CCDC18: variants seen among roughly 807,000 people sequenced by gnomAD.
CCDC18 encodes the protein coiled-coil domain-containing protein 18.
CCDC18 carries 157 observed loss-of-function variants against 196.0 expected under a neutral mutation model. The ratio of observed to expected loss-of-function variants is 0.80; its 90% CI spans 0.70 to 0.91. CCDC18 has a LOEUF of 0.91. Among genes scored for constraint, CCDC18 ranks in the 40% least tolerant of loss-of-function variants. The pLI, the probability that CCDC18 is intolerant of heterozygous loss-of-function variation, is 0.00. For missense variants in CCDC18, 1,465 were observed against 1,611.6 expected (o/e 0.91, Z 1.56); for synonymous variants, 482 against 529.2 (o/e 0.91, Z 1.22).
chr1:93,226,574 C>T, intron 17 of CCDC18, 125 bp downstream of exon 17: 2 of 315,766 alleles, frequency 6.3e-6, no homozygotes, highest in Admixed American at 5.0e-5. Flanking sequence ...CCCCATGTTG[C>T]CCAGGCTGGA....
chr1:93,202,589 A>G lies in CCDC18; in HGVS notation c.795+601A>G, dbSNP rs745963948. On this transcript the variant is annotated intron_variant, in intron 7 of 28. Transcript: ENST00000690025. ...TAATATGGGAGACTTCCATCTTGAG[A>G]TAGCAATGAAAGCAGAGGAAGTTTA... Among the ~76,000 whole-genome samples, 2 of 152,360 alleles carry G rather than the reference A, an allele frequency of 1.3e-5. 1 individual carries two copies. Among genetic ancestry groups the G allele is most frequent in the Non-Finnish European group, 2.9e-5 (2 of 68,034 alleles).
chr1:93,226,731 A>G (rs2102344435), intron 17 of CCDC18, among the ~76,000 whole-genome samples: 1 of 152,026 alleles, frequency 6.6e-6, no homozygotes, highest in Admixed American at 6.6e-5. Context: ...ATGGGATTTC[A>G]CCATGTTGGC....
chr1:93,227,971 A>AAAATATAT (rs57726461), intron 17 of CCDC18, among the ~76,000 whole-genome samples: 32 of 125,322 alleles, frequency 2.6e-4, no homozygotes, highest in African/African-American at 3.0e-4. Context: ...AAAAAAAAAA[A>AAAATATAT]ATATATATAT....
At chr1:93,233,136 T>G (rs2100727216) in intron 18 of CCDC18, among the ~76,000 whole-genome samples, 1 of 152,358 alleles carries the variant, frequency 6.6e-6, no homozygotes, top group Admixed American at 6.5e-5. Flanking sequence ...GTTTCTTTAT[T>G]CAATCTCTCT....
intron 27 of CCDC18, among the ~76,000 whole-genome samples, chr1:93,267,370 GA>G (rs2101439609): frequency 6.6e-6 from 1 of 152,242 alleles, no homozygotes; most frequent in East Asian, 1.9e-4. Context: ...CATTCCCTTT[GA>G]AAACTGGCAC....
At chr1:93,235,242 A>T (rs545839219) in intron 18 of CCDC18, among the ~76,000 whole-genome samples, 6 of 152,182 alleles carry the variant, frequency 3.9e-5, no homozygotes, top group Non-Finnish European at 8.8e-5. Context: ...ATAAATATTC[A>T]TGAAGACATG....
At chr1:93,224,903 T>G (rs1316401084) in intron 16 of CCDC18, among the ~76,000 whole-genome samples, 1 of 152,230 alleles carries the variant, frequency 6.6e-6, no homozygotes, top group Non-Finnish European at 1.5e-5. Flanking sequence ...AAAAGAAAAT[T>G]TCTAAGTATT....
chr1:93,180,066 C>T, upstream of CCDC18: 5 of 1,613,086 alleles, frequency 3.1e-6, no homozygotes, highest in Non-Finnish European at 3.4e-6. Flanking sequence ...GGTACTCGAT[C>T]TCCAGCGAGG....
At chr1:93,224,767 A>C (rs1658022524) in intron 16 of CCDC18, among the ~76,000 whole-genome samples, 1 of 152,238 alleles carries the variant, frequency 6.6e-6, no homozygotes, top group African/African-American at 2.4e-5. Context: ...CTAATGATGA[A>C]TCTTGCCCAA....
chr1:93,205,375 A>C, intron 7 of CCDC18, 135 bp from the exon 8 acceptor site: 1 of 682,972 alleles, frequency 1.5e-6, no homozygotes, highest in Non-Finnish European at 2.3e-6. Context: ...TTTTCACTAC[A>C]AGGCTGGGGA....
chr1:93,184,890 T>G (rs745350621), intron 3 of CCDC18, among the ~76,000 whole-genome samples: 3 of 151,984 alleles, frequency 2.0e-5, no homozygotes, highest in Admixed American at 6.5e-5. Flanking sequence ...CATGTTTACA[T>G]GGTATGTAAT....
chr1:93,261,459 T>G (rs892906826), intron 26 of CCDC18, among the ~76,000 whole-genome samples: 2 of 152,208 alleles, frequency 1.3e-5, no homozygotes, highest in Non-Finnish European at 2.9e-5. Flanking sequence ...AAAGGAATGC[T>G]ATAGTAATTA....
intron 5 of CCDC18, among the ~76,000 whole-genome samples, chr1:93,193,217 A>G (rs1159302123): frequency 6.6e-6 from 1 of 152,116 alleles, no homozygotes; most frequent in Non-Finnish European, 1.5e-5. Flanking sequence ...AAGAAAAAAA[A>G]TTTTGTCTTT....
intron 17 of CCDC18, among the ~76,000 whole-genome samples, 169 bp downstream of exon 17, chr1:93,226,618 C>G (rs1009639379): frequency 6.6e-6 from 1 of 151,866 alleles, no homozygotes; most frequent in African/African-American, 2.4e-5. Context: ...ACTTGAACCT[C>G]TGCCTCCTGG....
intron 28 of CCDC18, among the ~76,000 whole-genome samples, chr1:93,276,112 C>CGACG (rs1665608759): frequency 6.6e-6 from 1 of 152,182 alleles, no homozygotes; most frequent in African/African-American, 2.4e-5. Flanking sequence ...CTAAATCCAG[C>CGACG]TCTGCTTCAG....
chr1:93,189,978 G>A (rs1651442999), intron 4 of CCDC18, among the ~76,000 whole-genome samples: 1 of 152,020 alleles, frequency 6.6e-6, no homozygotes, highest in African/African-American at 2.4e-5. Flanking sequence ...TTTTATTTAG[G>A]AGGTATTCTC....
intron 12 of CCDC18, among the ~76,000 whole-genome samples, chr1:93,215,859 T>C (rs1656402779): frequency 1.3e-5 from 2 of 152,346 alleles, no homozygotes; most frequent in South Asian, 2.1e-4. Flanking sequence ...AATTACATTC[T>C]GAAAAGGGGA....
chr1:93,180,031 G>A (rs1649250348), upstream of CCDC18: 2 of 1,604,576 alleles, frequency 1.2e-6, no homozygotes, highest in African/African-American at 1.3e-5. Context: ...AAGGAAGGAG[G>A]CTGGTTTATC....
intron 3 of CCDC18, among the ~76,000 whole-genome samples, chr1:93,184,949 T>C (rs1422886950): frequency 6.6e-6 from 1 of 151,970 alleles, no homozygotes; most frequent in African/African-American, 2.4e-5. Flanking sequence ...ATCATTCTTA[T>C]TGTATATGTG....
Sources: allele counts gnomAD v4.1 joint callset (sites outside exome capture counted in the v4.1 genomes callset), GRCh38; gene constraint gnomAD v4.1.1; transcripts MANE v1.5; gene names NCBI Gene and HGNC (gene_info 2026-07-23, HGNC 2026-07-21).